NSUN6: variants seen among roughly 807,000 people sequenced by gnomAD.
NSUN6 encodes tRNA (cytosine(72)-C(5))-methyltransferase NSUN6.
NSUN6 carries 64 observed loss-of-function variants against 58.0 expected under a neutral mutation model. The observed-to-expected ratio is 1.10, with a 90% CI of 0.90 to 1.36. NSUN6 has a LOEUF of 1.36. NSUN6 is among the 40% of genes most tolerant of loss of function. The pLI, the probability that NSUN6 is intolerant of heterozygous loss-of-function variation, is 0.00. For missense variants in NSUN6, 701 were observed against 550.1 expected (o/e 1.27, Z -2.74); for synonymous variants, 231 against 193.9 (o/e 1.19, Z -1.59).
At chr10:18,581,124 G>A (rs1028581194) in intron 8 of NSUN6, among the ~76,000 whole-genome samples, 2 of 152,056 alleles carry the variant, frequency 1.3e-5, no homozygotes, top group Admixed American at 6.6e-5. Flanking sequence ...ATGGACAGTG[G>A]CCTGCTCGCA....
rs530537082 is a variant in NSUN6 at position 18,642,222 on chromosome 10, G to A, written c.311+254C>T. Among the ~76,000 whole-genome samples, 1,345 of 151,792 alleles carry A rather than the reference G, an allele frequency of 8.9e-3. 22 individuals are homozygous for A. Among genetic ancestry groups the A allele is most frequent in the African/African-American group, 0.031 (1,275 of 41,368 alleles). The stretch of plus-strand genomic sequence containing the variant: ...AATAAAACTTCACAGAAAGTGGGGG[G>A]GGGAAAACATCACTGCACTAAATGG... On this transcript the variant is annotated intron_variant, in intron 3 of 10. Coordinates refer to ENST00000377304, the MANE Select transcript of NSUN6 (RefSeq NM_182543.5).
upstream of NSUN6, among the ~76,000 whole-genome samples, chr10:18,656,456 G>C (rs1018130821): frequency 6.6e-6 from 1 of 152,178 alleles, no homozygotes; most frequent in South Asian, 2.1e-4. Flanking sequence ...AGAACTGCTT[G>C]AACCCGGGAG....
chr10:18,603,340 T>C (rs1389732474), intron 6 of NSUN6, among the ~76,000 whole-genome samples: 1 of 152,224 alleles, frequency 6.6e-6, no homozygotes, highest in Non-Finnish European at 1.5e-5. Flanking sequence ...GTGCTTACTA[T>C]GTATCAGACA....
chr10:18,619,133 C>A (rs770516149), intron 3 of NSUN6, among the ~76,000 whole-genome samples: 15 of 152,172 alleles, frequency 9.9e-5, no homozygotes, highest in Non-Finnish European at 2.2e-4. Context: ...GTTTGATTCC[C>A]AGTGTAGCTT....
rs149773172 is a variant in NSUN6 at position 18,611,285 on chromosome 10, A to T, written c.576-1359T>A. Among the ~76,000 whole-genome samples, 387 of 152,292 alleles carry T rather than the reference A, an allele frequency of 2.5e-3. 3 individuals are homozygous for T. The highest frequency in any genetic ancestry group is 8.9e-3 in the African/African-American group (372 of 41,566). On this transcript the variant is annotated intron_variant, in intron 5 of 10. Coordinates refer to ENST00000377304, the MANE Select transcript of NSUN6 (RefSeq NM_182543.5). ...AGAGTCCCATTAGGACTCCATTAGG[A>T]TGAGCAAAGATAAAGTCTTAGAAGC...
At chr10:18,557,889 T>C (rs1341097509) in intron 8 of NSUN6, among the ~76,000 whole-genome samples, 1 of 149,024 alleles carries the variant, frequency 6.7e-6, no homozygotes, top group Admixed American at 6.7e-5. Context: ...TGGAATGGAA[T>C]GAAATGAAGA....
upstream of NSUN6, chr10:18,651,791 A>G (rs1258423793): frequency 7.1e-6 from 7 of 985,342 alleles, no homozygotes. Context: ...TTAAGTAGGC[A>G]GACCCCGCGG....
rs1371180690 is a variant in NSUN6, at chr10:18,651,114, C to G, written c.75+15G>C. The G allele has an allele frequency of 6.4e-7, 1 of 1,571,426 alleles. No individual in the cohort carries two copies. The highest frequency in any genetic ancestry group is 8.6e-7 in the Non-Finnish European group (1 of 1,168,148). ...GTTTTTGCAAAATATCAACTAACAT[C>G]TTTACTTGACCTACCTCCTTATTCA... On this transcript the variant is annotated intron_variant, in intron 1 of 10. Transcript: ENST00000377304.
chr10:18,590,495 C>T (rs1267119334), intron 7 of NSUN6, among the ~76,000 whole-genome samples: 2 of 152,184 alleles, frequency 1.3e-5, no homozygotes, highest in Admixed American at 6.5e-5. Flanking sequence ...AACTCGACCA[C>T]ATAACTGGGA....
chr10:18,552,222 CA>C (rs2054650835), intron 8 of NSUN6, among the ~76,000 whole-genome samples: 1 of 152,096 alleles, frequency 6.6e-6, no homozygotes, highest in Non-Finnish European at 1.5e-5. Flanking sequence ...GGCCTAATCA[CA>C]AAAGACCTTC....
chr10:18,648,469 T>C, intron 2 of NSUN6, 21 bp downstream of exon 2: 1 of 1,546,960 alleles, frequency 6.5e-7, no homozygotes, highest in South Asian at 1.1e-5. Context: ...TATGTACAAA[T>C]GACAGAAAAT....
Position 18,648,508 on chromosome 10 carries a change from T to G in NSUN6, c.213A>C (p.Leu71Phe), listed in dbSNP as rs1468320997. 1.2e-6 allele frequency: 2 copies of G among 1,601,744 alleles called. No homozygotes were observed. The highest frequency in any genetic ancestry group is 1.7e-6 in the Non-Finnish European group (2 of 1,171,634). The change falls in exon 2 of 11, where the codon TTA becomes TTC. Residue 71 changes from leucine (L) to phenylalanine (F), a missense_variant. Leu to Phe is a conservative substitution (Grantham distance 22). Coordinates refer to ENST00000377304, the MANE Select transcript of NSUN6 (RefSeq NM_182543.5). ...LASVQHVKNL[L>F]LDELQKQFNG... is the part of the protein sequence containing the mutation. The stretch of plus-strand genomic sequence containing the variant: ...CACAAACCTTCTGAAGTTCATCAAG[T>G]AACAGATTTTTCACATGTTGTACTG...
chr10:18,608,793 T>C (rs1042518636), intron 6 of NSUN6, among the ~76,000 whole-genome samples: 9 of 152,160 alleles, frequency 5.9e-5, no homozygotes, highest in African/African-American at 1.9e-4. Context: ...ACACAAGTGT[T>C]TGAAAATGAA....
chr10:18,575,205 T>C (rs1469977525), intron 8 of NSUN6, among the ~76,000 whole-genome samples: 1 of 152,172 alleles, frequency 6.6e-6, no homozygotes, highest in Non-Finnish European at 1.5e-5. Flanking sequence ...TATGGTTGTA[T>C]AGGAATTTAT....
chr10:18,652,263 C>T (rs1590212553), upstream of NSUN6: 1 of 984,266 alleles, frequency 1.0e-6, no homozygotes, highest in African/African-American at 1.7e-5. Flanking sequence ...GATATAGATT[C>T]AAAGAACGAG....
chr10:18,593,211 T>C (rs2057445705), intron 7 of NSUN6, among the ~76,000 whole-genome samples: 1 of 152,198 alleles, frequency 6.6e-6, no homozygotes, highest in Admixed American at 6.5e-5. Flanking sequence ...CAACAGATGC[T>C]GGCAAGGATG....
chr10:18,655,033 TC>T (rs2059762877), upstream of NSUN6: 5 of 976,036 alleles, frequency 5.1e-6, no homozygotes, highest in Non-Finnish European at 6.1e-6. Context: ...ACCGAGAACT[TC>T]CCATTTTTCT....
chr10:18,572,830 T>C (rs1027007449), intron 8 of NSUN6, among the ~76,000 whole-genome samples: 21 of 150,844 alleles, frequency 1.4e-4, no homozygotes, highest in African/African-American at 5.1e-4. Flanking sequence ...TCCATTCCAT[T>C]CTCCATTCCA....
At chr10:18,580,621 G>A (rs1302860674) in intron 8 of NSUN6, among the ~76,000 whole-genome samples, 1 of 152,168 alleles carries the variant, frequency 6.6e-6, no homozygotes, top group Non-Finnish European at 1.5e-5. Flanking sequence ...CAAGTGAAGA[G>A]GTTCCATCCC....
Sources: allele counts gnomAD v4.1 joint callset (sites outside exome capture counted in the v4.1 genomes callset), GRCh38; gene constraint gnomAD v4.1.1; transcripts MANE v1.5; gene names NCBI Gene and HGNC (gene_info 2026-07-23, HGNC 2026-07-21).